The following UBR3 variants were observed in gnomAD, a reference collection of about 807,000 sequenced individuals.
UBR3 encodes E3 ubiquitin-protein ligase UBR3.
UBR3 carries 85 observed loss-of-function variants against 243.2 expected under a neutral mutation model. That is an observed-to-expected ratio of 0.35 (90% CI 0.29 to 0.42). The LOEUF (loss-of-function observed/expected upper bound fraction) is 0.42, where lower values mean the gene tolerates loss of function less well. Among genes scored for constraint, UBR3 ranks in the 10% least tolerant of loss-of-function variants. The pLI, the probability that UBR3 is intolerant of heterozygous loss-of-function variation, is 1.00. For synonymous variants in UBR3, 748 were observed against 799.8 expected (o/e 0.94, Z 1.09); for missense variants, 1,686 against 2,300.8 (o/e 0.73, Z 5.47).
intron 1 of UBR3, among the ~76,000 whole-genome samples, chr2:169,833,137 A>G (rs563368200): frequency 1.3e-5 from 2 of 152,330 alleles, no homozygotes; most frequent in African/African-American, 4.8e-5. Flanking sequence ...GTCAGATCCC[A>G]TGAATTCTGC....
intron 1 of UBR3, among the ~76,000 whole-genome samples, chr2:169,839,632 CAG>C (rs1429683194): frequency 6.6e-6 from 1 of 152,078 alleles, no homozygotes; most frequent in Non-Finnish European, 1.5e-5. Context: ...TACATGTACT[CAG>C]AAACTATGTA....
intron 36 of UBR3, among the ~76,000 whole-genome samples, chr2:170,074,875 C>T (rs1328610207): frequency 1.3e-5 from 2 of 152,074 alleles, no homozygotes; most frequent in Non-Finnish European, 2.9e-5. Context: ...CCTTATTTAT[C>T]CCCGGTTTCT....
intron 38 of UBR3, 82 bp from the exon 39 acceptor site, chr2:170,081,644 G>A: frequency 9.2e-7 from 1 of 1,082,470 alleles, no homozygotes; most frequent in Non-Finnish European, 1.3e-6. Flanking sequence ...GCGAGAGACT[G>A]TCTCAGAAAA....
At position 169,951,734 on chromosome 2, in the gene UBR3, T is replaced by G. The variant is rs537075050; in HGVS notation, c.3545+1669T>G. On this transcript the variant is annotated intron_variant, in intron 23 of 38. Transcript: ENST00000272793. ...ACTGGAAATTGGGAGAGCAAGCTAC[T>G]TAGTCATCTAGTGGGGCAGGTGTGG... 2.6e-5 allele frequency among the ~76,000 whole-genome samples: 4 copies of G among 152,066 alleles called. No homozygotes were observed. The East Asian group carries it at 7.7e-4, about 29-fold the overall frequency.
At chr2:169,839,284 A>T (rs2082212405) in intron 1 of UBR3, among the ~76,000 whole-genome samples, 1 of 152,176 alleles carries the variant, frequency 6.6e-6, no homozygotes, top group South Asian at 2.1e-4. Flanking sequence ...GACAAATATC[A>T]CATGTTCTCA....
chr2:169,964,731 C>CAGTA (rs2087731106), intron 24 of UBR3: 5 of 377,458 alleles, frequency 1.3e-5, no homozygotes, highest in Admixed American at 6.6e-5. Context: ...ACAATGCTTA[C>CAGTA]AGCTCAGTTA....
chr2:169,918,964 G>A (rs2085576756), intron 11 of UBR3, among the ~76,000 whole-genome samples: 2 of 152,248 alleles, frequency 1.3e-5, no homozygotes, highest in South Asian at 4.1e-4. Context: ...GTGCTATGTG[G>A]GACCATAAAA....
At chr2:169,851,688 A>C (rs1574044982) in intron 1 of UBR3, among the ~76,000 whole-genome samples, 1 of 151,738 alleles carries the variant, frequency 6.6e-6, no homozygotes, top group Admixed American at 6.6e-5. Flanking sequence ...ACATGGTGAA[A>C]CCCTGTCTCT....
intron 30 of UBR3, among the ~76,000 whole-genome samples, chr2:170,028,107 G>C (rs1445191389): frequency 2.0e-5 from 3 of 151,852 alleles, no homozygotes; most frequent in Non-Finnish European, 2.9e-5. Flanking sequence ...AACAGGGTAA[G>C]GTATTTAGAT....
At position 169,887,913 on chromosome 2, in the gene UBR3, A is replaced by G. The variant is rs187227192; in HGVS notation, c.1039-3252A>G. Among the ~76,000 whole-genome samples the G allele has an allele frequency of 3.3e-5, 5 of 150,752 alleles. No homozygotes were observed. In the East Asian group the frequency reaches 9.8e-4, roughly 30 times the overall value. On this transcript the variant is annotated intron_variant, in intron 5 of 38. Coordinates refer to ENST00000272793, the MANE Select transcript of UBR3 (RefSeq NM_172070.4). ...TGCCTTAGCCTCCCGAGTAGCTGGG[A>G]TCACAGGCATGTGCCACCATGCCCA...
chr2:169,862,477 G>T (rs1258347327), intron 1 of UBR3, among the ~76,000 whole-genome samples: 1 of 152,112 alleles, frequency 6.6e-6, no homozygotes, highest in Non-Finnish European at 1.5e-5. Flanking sequence ...CATCATCATT[G>T]TCTATCTCTG....
intron 24 of UBR3, among the ~76,000 whole-genome samples, chr2:169,959,979 G>A (rs971395011): frequency 8.6e-5 from 13 of 151,950 alleles, no homozygotes; most frequent in African/African-American, 2.7e-4. Context: ...GGCTGGGTGC[G>A]GTGGCTCACA....
intron 8 of UBR3, among the ~76,000 whole-genome samples, chr2:169,897,571 T>C (rs763955914): frequency 1.3e-5 from 2 of 152,144 alleles, no homozygotes; most frequent in South Asian, 2.1e-4. Context: ...CGATCTTGGC[T>C]TACTGCAACC....
intron 33 of UBR3, among the ~76,000 whole-genome samples, chr2:170,059,081 T>A (rs1357850283): frequency 6.6e-6 from 1 of 152,200 alleles, no homozygotes; most frequent in Non-Finnish European, 1.5e-5. Flanking sequence ...TCAGAAATCA[T>A]CTTTCTTAAG....
At chr2:170,067,544 GAATA>G (rs1439808675) in intron 35 of UBR3, among the ~76,000 whole-genome samples, 2 of 151,834 alleles carry the variant, frequency 1.3e-5, no homozygotes, top group Non-Finnish European at 1.5e-5. Context: ...ACAAACAGCA[GAATA>G]TATATTATAT....
intron 1 of UBR3, among the ~76,000 whole-genome samples, chr2:169,831,145 T>A (rs2081927420): frequency 3.0e-5 from 3 of 101,360 alleles, no homozygotes; most frequent in Non-Finnish European, 6.2e-5. Context: ...TTTTTTTTTT[T>A]TTTTTTTTTT....
chr2:169,877,591 T>C lies in UBR3; in HGVS notation c.942T>C (p.Tyr314=), dbSNP rs749389180. ...CATATCCTGAGGATAAGCTTGTATA[T>C]GGTGTGCAGGAGCCATCTGCTGGTA... ...GLTYPEDKLV[Y]GVQEPSAGTS... is the part of the protein sequence containing the mutation. The change falls in exon 4 of 39, where the codon TAT becomes TAC. Residue 314 remains tyrosine (Y), a synonymous_variant. Transcript: ENST00000272793. The C allele has an allele frequency of 1.4e-5, 21 of 1,549,578 alleles. No homozygotes were observed. Among genetic ancestry groups the C allele is most frequent in the Non-Finnish European group, 1.8e-5 (21 of 1,146,612 alleles).
intron 27 of UBR3, among the ~76,000 whole-genome samples, chr2:170,004,841 G>T (rs984504555): frequency 3.9e-5 from 6 of 152,028 alleles, no homozygotes; most frequent in Non-Finnish European, 8.8e-5. Context: ...AACCCGGGAG[G>T]TGGAGGTTGC....
chr2:170,080,454 CTG>C, intron 37 of UBR3, 89 bp from the exon 38 acceptor site: 1 of 1,207,206 alleles, frequency 8.3e-7, no homozygotes, highest in Non-Finnish European at 1.1e-6. Context: ...TTTTAAATCA[CTG>C]TATTATTTAG....
Sources: allele counts gnomAD v4.1 joint callset (sites outside exome capture counted in the v4.1 genomes callset), GRCh38; gene constraint gnomAD v4.1.1; transcripts MANE v1.5; gene names NCBI Gene and HGNC (gene_info 2026-07-23, HGNC 2026-07-21).